Variants in CFAP99 observed in about 807,000 individuals in gnomAD.
CFAP99 encodes cilia and flagella associated protein 99, also known as cilia- and flagella-associated protein 99.
Under a neutral mutation model 82.7 loss-of-function variants are expected in CFAP99, and 84 were observed. The observed-to-expected ratio is 1.02, with a 90% confidence interval of 0.85 to 1.22. The LOEUF (loss-of-function observed/expected upper bound fraction) is 1.22. Among genes scored for constraint, CFAP99 ranks in the 50% most tolerant of loss-of-function variants. The pLI, the probability that CFAP99 is intolerant of heterozygous loss-of-function variation, is 0.00. For missense variants in CFAP99, 1,059 were observed against 983.5 expected (o/e 1.08, Z -1.03); for synonymous variants, 456 against 429.5 (o/e 1.06, Z -0.76).
exon 2 of CFAP99, chr4:2,426,511 C>T (rs768698956): frequency 5.2e-6 from 8 of 1,535,874 alleles, no homozygotes; most frequent in African/African-American, 4.1e-5. Context: ...AAACTGTGAT[C>T]GAGCAACTCG....
chr4:2,429,935 G>C (rs536980419), intron 2 of CFAP99, among the ~76,000 whole-genome samples: 1 of 150,690 alleles, frequency 6.6e-6, no homozygotes, highest in Non-Finnish European at 1.5e-5. Flanking sequence ...GAGAGGAATG[G>C]TGCATTGGAT....
chr4:2,437,568 G>A (rs1578470084), intron 3 of CFAP99, among the ~76,000 whole-genome samples: 2 of 152,166 alleles, frequency 1.3e-5, no homozygotes, highest in African/African-American at 2.4e-5. Context: ...TGGGGCGAGC[G>A]CTGTAGGGTA....
intron 4 of CFAP99, among the ~76,000 whole-genome samples, chr4:2,438,371 T>C (rs1733965922): frequency 6.6e-6 from 1 of 152,178 alleles, no homozygotes; most frequent in Admixed American, 6.5e-5. Flanking sequence ...CATACCATTC[T>C]CCTGCCTCAG....
At chr4:2,425,916 C>T (rs898101879) in intron 1 of CFAP99, among the ~76,000 whole-genome samples, 2 of 152,102 alleles carry the variant, frequency 1.3e-5, no homozygotes, top group African/African-American at 2.4e-5. Flanking sequence ...AGGATGGCGG[C>T]GTTGACCCCA....
intron 1 of CFAP99, among the ~76,000 whole-genome samples, chr4:2,419,921 A>C (rs1733520741): frequency 1.3e-5 from 2 of 151,896 alleles, no homozygotes; most frequent in African/African-American, 2.4e-5. Context: ...CTCCCATCAG[A>C]TTTTCACCCA....
At chr4:2,445,263 C>T in exon 6 of CFAP99, 1 of 1,408,420 alleles carries the variant, frequency 7.1e-7, no homozygotes, top group Non-Finnish European at 9.2e-7. Flanking sequence ...GGCCCCGCAC[C>T]ATTCCAGCGC....
chr4:2,437,574 G>A (rs1733945504), intron 3 of CFAP99, among the ~76,000 whole-genome samples: 1 of 152,186 alleles, frequency 6.6e-6, no homozygotes, highest in Non-Finnish European at 1.5e-5. Flanking sequence ...GAGCGCTGTA[G>A]GGTACTGGGA....
intron 4 of CFAP99, 104 bp downstream of exon 4, chr4:2,438,268 G>C (rs912771804): frequency 1.4e-6 from 1 of 740,674 alleles, no homozygotes; most frequent in African/African-American, 1.7e-5. Context: ...TTGTTTGTTT[G>C]TTTGTTTGTT....
At chr4:2,451,429 G>A (rs1437111472) in intron 10 of CFAP99, 77 bp downstream of exon 10, 10 of 1,407,912 alleles carry the variant, frequency 7.1e-6, no homozygotes, top group African/African-American at 1.4e-5. Flanking sequence ...AGGGGCCTGG[G>A]GGCTGGGCAG....
At chr4:2,433,828 T>C (rs1733850975) in intron 2 of CFAP99, among the ~76,000 whole-genome samples, 1 of 152,094 alleles carries the variant, frequency 6.6e-6, no homozygotes, top group Admixed American at 6.5e-5. Context: ...AAAAGCCAGT[T>C]CCCTGATGAG....
intron 1 of CFAP99, among the ~76,000 whole-genome samples, chr4:2,420,464 G>A (rs1733554518): frequency 6.6e-6 from 1 of 151,976 alleles, no homozygotes; most frequent in Admixed American, 6.5e-5. Context: ...CAGGATCTTG[G>A]GGTAGACACT....
At chr4:2,427,439 G>A (rs1177606716) in intron 2 of CFAP99, 1 of 152,640 alleles carries the variant, frequency 6.6e-6, no homozygotes, top group Non-Finnish European at 1.5e-5. Flanking sequence ...CCCACCAGGG[G>A]AAATCCTGGG....
At chr4:2,457,960 G>A (rs1734474948) in intron 11 of CFAP99, among the ~76,000 whole-genome samples, 1 of 152,256 alleles carries the variant, frequency 6.6e-6, no homozygotes, top group South Asian at 2.1e-4. Flanking sequence ...CAGGGTGGCA[G>A]AGGCAGAACT....
intron 8 of CFAP99, among the ~76,000 whole-genome samples, chr4:2,450,700 G>C (rs180671982): frequency 6.6e-6 from 1 of 152,336 alleles, no homozygotes; most frequent in Non-Finnish European, 1.5e-5. Context: ...GGGAAGCACT[G>C]TTCCCAGGCC....
intron 11 of CFAP99, among the ~76,000 whole-genome samples, chr4:2,454,959 G>A (rs533887706): frequency 4.2e-4 from 64 of 150,746 alleles, no homozygotes; most frequent in Non-Finnish European, 7.7e-4. Flanking sequence ...TCACTCTGTC[G>A]CCCAGGCTGG....
At chr4:2,420,367 A>T (rs966071198) in intron 1 of CFAP99, among the ~76,000 whole-genome samples, 2 of 152,126 alleles carry the variant, frequency 1.3e-5, no homozygotes, top group Non-Finnish European at 2.9e-5. Context: ...CGCCTAACAG[A>T]TCCTCTCAAA....
chr4:2,452,215 G>A (rs1734318964), exon 11 of CFAP99: 14 of 1,536,164 alleles, frequency 9.1e-6, no homozygotes, highest in Non-Finnish European at 1.2e-5. Flanking sequence ...GCAGGCGAAG[G>A]ACCGGGAGGA....
At chr4:2,458,990 C>A in intron 12 of CFAP99, 117 bp from the exon 13 acceptor site, 1 of 1,445,906 alleles carries the variant, frequency 6.9e-7, no homozygotes, top group African/African-American at 1.4e-5. Context: ...GGAGGCACTC[C>A]CAGGTGGCCG....
chr4:2,441,957 G>T (rs1035026817), intron 4 of CFAP99, among the ~76,000 whole-genome samples: 7 of 152,194 alleles, frequency 4.6e-5, no homozygotes, highest in African/African-American at 1.7e-4. Flanking sequence ...CACCTGTAGG[G>T]GGCTGATGGC....
Sources: gnomAD v4.1 joint callset for allele counts (sites outside exome capture counted in the v4.1 genomes callset) on GRCh38, gnomAD v4.1.1 for gene constraint, MANE v1.5 for transcripts, NCBI Gene and HGNC (gene_info 2026-07-23, HGNC 2026-07-21) for gene names.